Variants in FNDC3B observed in about 807,000 individuals in gnomAD.
The protein encoded by FNDC3B is fibronectin type III domain-containing protein 3B.
A neutral mutation model predicts 151.5 loss-of-function variants in FNDC3B; 12 were observed. That is an observed-to-expected ratio of 0.08 (90% CI 0.05 to 0.13). The LOEUF (loss-of-function observed/expected upper bound fraction) is 0.13. Ranked by LOEUF, FNDC3B falls within the 10% of genes least tolerant of loss-of-function variation. The probability of loss-of-function intolerance (pLI) is 1.00; values close to 1 mark genes in which losing one functional copy is unlikely to be tolerated. For synonymous variants in FNDC3B, 528 were observed against 549.0 expected, an observed-to-expected ratio of 0.96 and a Z score of 0.54; for missense variants, 1,214 against 1,505.3, an observed-to-expected ratio of 0.81 and a Z score of 3.20.
chr3:172,144,720 T>A (rs1576905506), intron 3 of FNDC3B, among the ~76,000 whole-genome samples: 3 of 148,454 alleles, frequency 2.0e-5, no homozygotes, highest in Non-Finnish European at 3.0e-5. Context: ...TTTTTTTTTT[T>A]AAGTGGGTAT....
At chr3:172,286,757 T>TA (rs1199615784) in intron 7 of FNDC3B, among the ~76,000 whole-genome samples, 1 of 152,176 alleles carries the variant, frequency 6.6e-6, no homozygotes, top group African/African-American at 2.4e-5. Flanking sequence ...AGTCTGTACT[T>TA]ACTCTGGTGA....
At chr3:172,168,192 G>GA (rs1247046815) in intron 3 of FNDC3B, among the ~76,000 whole-genome samples, 1 of 152,130 alleles carries the variant, frequency 6.6e-6, no homozygotes, top group East Asian at 1.9e-4. Context: ...AAAGCAACTA[G>GA]AAAAAAGTAA....
intron 1 of FNDC3B, among the ~76,000 whole-genome samples, chr3:172,088,323 A>G (rs1718651655): frequency 6.6e-6 from 1 of 152,190 alleles, no homozygotes; most frequent in Admixed American, 6.5e-5. Context: ...TATGTTGCAA[A>G]TAAATGTAGA....
chr3:172,311,801 C>G (rs1731514304), intron 11 of FNDC3B, among the ~76,000 whole-genome samples: 1 of 151,602 alleles, frequency 6.6e-6, no homozygotes, highest in Admixed American at 6.6e-5. Flanking sequence ...TGCTGTGAAC[C>G]CAGGAGGCAG....
chr3:172,317,163 G>A (rs1405853794), intron 11 of FNDC3B: 2 of 443,594 alleles, frequency 4.5e-6, no homozygotes, highest in African/African-American at 4.1e-5. Context: ...TGTTGCATTG[G>A]GGATTAATTT....
intron 6 of FNDC3B, among the ~76,000 whole-genome samples, chr3:172,260,291 A>G (rs1365365175): frequency 6.6e-6 from 1 of 152,252 alleles, no homozygotes; most frequent in East Asian, 1.9e-4. Context: ...CGTCATCACA[A>G]AAGTGCCATA....
chr3:172,332,093 C>T (rs1732712798), intron 13 of FNDC3B, among the ~76,000 whole-genome samples: 1 of 152,170 alleles, frequency 6.6e-6, no homozygotes, highest in African/African-American at 2.4e-5. Flanking sequence ...GCCTCAGCCT[C>T]CCGAGTAGCT....
At chr3:172,239,810 C>T (rs1321980251) in intron 4 of FNDC3B, among the ~76,000 whole-genome samples, 3 of 135,256 alleles carry the variant, frequency 2.2e-5, no homozygotes, top group Non-Finnish European at 4.8e-5. Context: ...CAAATAACAA[C>T]AACCCTCAAA....
intron 23 of FNDC3B, among the ~76,000 whole-genome samples, chr3:172,368,340 C>G (rs908853777): frequency 6.6e-6 from 1 of 151,572 alleles, no homozygotes; most frequent in Non-Finnish European, 1.5e-5. Flanking sequence ...TCAGCGTATG[C>G]CTATTATAGA....
intron 3 of FNDC3B, among the ~76,000 whole-genome samples, chr3:172,208,112 A>G (rs892871395): frequency 6.6e-6 from 1 of 151,966 alleles, no homozygotes; most frequent in Non-Finnish European, 1.5e-5. Context: ...AGATTTGGTG[A>G]TTAAGATCTG....
chr3:172,163,522 A>C (rs1231718644), intron 3 of FNDC3B, among the ~76,000 whole-genome samples: 2 of 152,216 alleles, frequency 1.3e-5, no homozygotes, highest in Non-Finnish European at 2.9e-5. Context: ...GCACACATGC[A>C]TCCAACACCG....
chr3:172,141,885 T>C (rs577513722), intron 3 of FNDC3B, among the ~76,000 whole-genome samples: 1 of 152,274 alleles, frequency 6.6e-6, no homozygotes, highest in East Asian at 1.9e-4. Context: ...CTTGTTAAAA[T>C]TTTTATTTAG....
intron 1 of FNDC3B, among the ~76,000 whole-genome samples, chr3:172,102,899 C>CT (rs761449571): frequency 2.6e-5 from 4 of 152,212 alleles, no homozygotes; most frequent in Non-Finnish European, 5.9e-5. Flanking sequence ...TCAAATTTCA[C>CT]TGAAAATCTA....
intron 7 of FNDC3B, among the ~76,000 whole-genome samples, chr3:172,291,923 A>T (rs1426535638): frequency 6.6e-6 from 1 of 152,200 alleles, no homozygotes; most frequent in Non-Finnish European, 1.5e-5. Context: ...GCATGAACCT[A>T]GATAGAGTTC....
chr3:172,298,856 C>A (rs1449334318), intron 9 of FNDC3B, 69 bp downstream of exon 9: 3 of 1,159,630 alleles, frequency 2.6e-6, no homozygotes, highest in South Asian at 1.4e-5. Flanking sequence ...CATGTACTCC[C>A]TTTTAAGTTT....
intron 25 of FNDC3B, among the ~76,000 whole-genome samples, chr3:172,393,362 C>A (rs1736119025): frequency 6.6e-6 from 1 of 152,046 alleles, no homozygotes; most frequent in Non-Finnish European, 1.5e-5. Flanking sequence ...CATTGAAACA[C>A]CTAAATACAT....
At chr3:172,066,282 C>T (rs1263657124) in intron 1 of FNDC3B, among the ~76,000 whole-genome samples, 1 of 152,200 alleles carries the variant, frequency 6.6e-6, no homozygotes, top group Non-Finnish European at 1.5e-5. Context: ...ATGATACTAA[C>T]ACCAAGTTTT....
At chr3:172,280,162 G>A (rs189516887) in intron 6 of FNDC3B, among the ~76,000 whole-genome samples, 81 of 152,184 alleles carry the variant, frequency 5.3e-4, no homozygotes, top group African/African-American at 1.9e-3. Flanking sequence ...CTTTCTGCCC[G>A]CCTTGGCCTC....
At chr3:172,153,549 A>C (rs1576914321) in intron 3 of FNDC3B, among the ~76,000 whole-genome samples, 2 of 152,360 alleles carry the variant, frequency 1.3e-5, no homozygotes, top group East Asian at 3.9e-4. Context: ...GGCTGGGGGC[A>C]TGAATCACCA....
Sources: gnomAD v4.1 joint callset for allele counts (sites outside exome capture counted in the v4.1 genomes callset) on GRCh38, gnomAD v4.1.1 for gene constraint, MANE v1.5 for transcripts, NCBI Gene and HGNC (gene_info 2026-07-23, HGNC 2026-07-21) for gene names.